The following BCAS3 variants were observed in gnomAD, a reference collection of about 807,000 sequenced individuals.
BCAS3 encodes the protein BCAS3 microtubule associated cell migration factor, also known as BCAS4/BCAS3 fusion.
Under a neutral mutation model 116.1 loss-of-function variants are expected in BCAS3, and 53 were observed. That is an observed-to-expected ratio of 0.46 (90% confidence interval 0.37 to 0.57). The LOEUF (loss-of-function observed/expected upper bound fraction) is 0.57. Among genes scored for constraint, BCAS3 ranks in the 20% least tolerant of loss-of-function variants. The probability of loss-of-function intolerance (pLI) is 0.00; values close to 1 mark genes in which losing one functional copy is unlikely to be tolerated. For synonymous variants in BCAS3, 391 were observed against 408.2 expected (o/e 0.96, Z 0.51); for missense variants, 917 against 1,165.4 (o/e 0.79, Z 3.10).
chr17:60,722,376 C>T (rs774458188), intron 5 of BCAS3, among the ~76,000 whole-genome samples: 41 of 152,160 alleles, frequency 2.7e-4, no homozygotes, highest in Non-Finnish European at 5.4e-4. Flanking sequence ...TTCTGTTTGT[C>T]CTGCATCCTC....
intron 19 of BCAS3, among the ~76,000 whole-genome samples, chr17:61,052,715 C>CTTTTTTTTTTTTTTTTT (rs60772345): frequency 8.0e-5 from 10 of 124,984 alleles, no homozygotes; most frequent in Non-Finnish European, 1.0e-4. Context: ...TTCTTTCTTT[C>CTTTTTTTTTTTTTTTTT]TTTTTTTTTT....
chr17:60,839,625 A>G (rs938975290), intron 7 of BCAS3, among the ~76,000 whole-genome samples: 1 of 152,092 alleles, frequency 6.6e-6, no homozygotes, highest in Non-Finnish European at 1.5e-5. Context: ...CTTTTTAATT[A>G]CTTAATTAAA....
At position 60,960,427 on chromosome 17, in the gene BCAS3, A is replaced by G. The variant is rs1014931314; in HGVS notation, c.1221+13075A>G. On this transcript the variant is annotated intron_variant, in intron 14 of 23. Transcript: ENST00000407086. This position sits in a 1 kb window ranked among gnomAD's most constrained non-coding sequence, Gnocchi z 4.1. ...CCTCCTGCCAAAATACAGTAGTAGG[A>G]TATGCGTAGGATAGACATTTCAAAA... Among the ~76,000 whole-genome samples, 1 of 152,096 alleles carries G rather than the reference A, an allele frequency of 6.6e-6. No individual in the cohort carries two copies. The highest frequency in any genetic ancestry group is 2.1e-4 in the South Asian group (1 of 4,832).
intron 7 of BCAS3, among the ~76,000 whole-genome samples, chr17:60,826,556 A>G (rs1439960438): frequency 1.3e-5 from 2 of 152,188 alleles, no homozygotes; most frequent in Non-Finnish European, 2.9e-5. Flanking sequence ...AGAAGAAAAT[A>G]TTTGTGAAAG....
intron 6 of BCAS3, among the ~76,000 whole-genome samples, chr17:60,785,974 G>T (rs1015051947): frequency 1.3e-5 from 2 of 152,142 alleles, no homozygotes; most frequent in Admixed American, 6.6e-5. Context: ...ACCTAGAGAT[G>T]ATTTAAAGTA....
At chr17:60,797,601 G>C (rs2047329702) in intron 6 of BCAS3, among the ~76,000 whole-genome samples, 1 of 151,884 alleles carries the variant, frequency 6.6e-6, no homozygotes, top group Non-Finnish European at 1.5e-5. Flanking sequence ...TGTTACATAG[G>C]TATACACATG....
chr17:60,795,825 G>A (rs1215465683), intron 6 of BCAS3, among the ~76,000 whole-genome samples: 1 of 152,106 alleles, frequency 6.6e-6, no homozygotes, highest in Non-Finnish European at 1.5e-5. Flanking sequence ...GAGTAGCTGG[G>A]ATTACAGGCA....
chr17:60,949,299 C>T (rs1000228101), intron 14 of BCAS3, among the ~76,000 whole-genome samples: 1 of 152,160 alleles, frequency 6.6e-6, no homozygotes, highest in Non-Finnish European at 1.5e-5. Flanking sequence ...GCTCTGTTGT[C>T]CAGGCTGGAG....
rs1004874006 is a variant in BCAS3, at chr17:60,917,793, A to G, written c.994-6614A>G. Among the ~76,000 whole-genome samples the G allele has an allele frequency of 3.9e-5, 6 of 152,234 alleles. No individual in the cohort carries two copies. In the South Asian group the frequency reaches 8.3e-4, roughly 21 times the overall value. On this transcript the variant is annotated intron_variant, in intron 12 of 23. Transcript: ENST00000407086. ...TTTTTTGTAGAGACAAGGTTTCGCT[A>G]TGTTGGCTAGGCTGGTCTCAAACTC...
chr17:60,727,047 T>G (rs2039953729), intron 5 of BCAS3: 2 of 257,778 alleles, frequency 7.8e-6, no homozygotes, highest in Admixed American at 1.0e-4. Context: ...AAAACAGACT[T>G]TAAAAAAAAA....
chr17:60,935,860 CT>C (rs963046969), intron 13 of BCAS3, among the ~76,000 whole-genome samples: 161 of 144,516 alleles, frequency 1.1e-3, no homozygotes, highest in Middle Eastern at 3.5e-3. Flanking sequence ...ACTCACTGAC[CT>C]TTTTTTTTTT....
At chr17:60,882,818 A>G in intron 9 of BCAS3, among the ~76,000 whole-genome samples, 1 of 145,190 alleles carries the variant, frequency 6.9e-6, no homozygotes, top group Non-Finnish European at 1.5e-5. Context: ...TTTTGGTACC[A>G]GTACCATGCT....
chr17:60,707,173 A>T (rs1205129188), intron 4 of BCAS3, among the ~76,000 whole-genome samples: 1 of 151,826 alleles, frequency 6.6e-6, no homozygotes, highest in African/African-American at 2.4e-5. Flanking sequence ...TTGTATTCTC[A>T]GTAGAGACCG....
chr17:61,363,331 A>G lies in BCAS3; in HGVS notation c.2426-4996A>G, dbSNP rs1166509679. The stretch of plus-strand genomic sequence containing the variant: ...TAGAGTTTGAGCAAGAGTAGTCTTT[A>G]TACCTTCGGTAGTTGAGCAGGTAAG... On this transcript the variant is annotated intron_variant, in intron 22 of 23. Coordinates refer to ENST00000407086, the MANE Select transcript of BCAS3 (RefSeq NM_017679.5). This position sits in a 1 kb window ranked among gnomAD's most constrained non-coding sequence, Gnocchi z 4.9. 6.6e-6 allele frequency among the ~76,000 whole-genome samples: 1 copy of G among 152,224 alleles called. No homozygotes were observed.
At position 61,219,303 on chromosome 17, in the gene BCAS3, A is replaced by G. The variant is rs1002051233; in HGVS notation, c.2425+134739A>G. 1.3e-5 allele frequency among the ~76,000 whole-genome samples: 2 copies of G among 152,178 alleles called. No homozygotes were observed. Among genetic ancestry groups the G allele is most frequent in the African/African-American group, 4.8e-5 (2 of 41,434 alleles). On this transcript the variant is annotated intron_variant, in intron 22 of 23. Transcript: ENST00000407086. The surrounding 1 kb of genome is among the most constrained non-coding windows in gnomAD (Gnocchi z 5.2). ...ACCCAGCGATACCCTGGAGAGGAACATTCCAGTGATTCCTTTCTGGGCATA... is the reference window on the plus strand; with the variant it reads ...ACCCAGCGATACCCTGGAGAGGAACGTTCCAGTGATTCCTTTCTGGGCATA...
At chr17:61,176,310 C>A (rs1351102973) in intron 22 of BCAS3, among the ~76,000 whole-genome samples, 3 of 148,870 alleles carry the variant, frequency 2.0e-5, no homozygotes, top group East Asian at 2.0e-4. Context: ...ATACATTTTT[C>A]TGACTTTATA....
rs2144344927 is a variant in BCAS3, at chr17:61,213,214, G to T, written c.2425+128650G>T. Among the ~76,000 whole-genome samples, 1 of 152,222 alleles carries T rather than the reference G, an allele frequency of 6.6e-6. No individual in the cohort carries two copies. The highest frequency in any genetic ancestry group is 2.1e-4 in the South Asian group (1 of 4,810). On this transcript the variant is annotated intron_variant, in intron 22 of 23. Coordinates refer to ENST00000407086, the MANE Select transcript of BCAS3 (RefSeq NM_017679.5). The surrounding 1 kb of genome is among the most constrained non-coding windows in gnomAD (Gnocchi z 5.4). ...AGATTGAGTCTCACTCTGTCACCCA[G>T]GCTGGAGTGCGGTGGTGCAGTCTTG...
At position 61,156,362 on chromosome 17, in the gene BCAS3, A is replaced by C. The variant is rs577654350; in HGVS notation, c.2425+71798A>C. On this transcript the variant is annotated intron_variant, in intron 22 of 23. Coordinates refer to ENST00000407086, the MANE Select transcript of BCAS3 (RefSeq NM_017679.5). This position sits in a 1 kb window ranked among gnomAD's most constrained non-coding sequence, Gnocchi z 4.7. ...TCTTCATTTTCTGAGTTCGGGAGAA[A>C]GGTGGACTTTTGTTTTATCTTGTTT... Among the ~76,000 whole-genome samples the C allele has an allele frequency of 6.6e-6, 1 of 152,218 alleles. No individual in the cohort carries two copies. The highest frequency in any genetic ancestry group is 2.4e-5 in the African/African-American group (1 of 41,538).
At chr17:60,701,919 A>C (rs2036465848) in intron 4 of BCAS3, among the ~76,000 whole-genome samples, 1 of 152,104 alleles carries the variant, frequency 6.6e-6, no homozygotes, top group African/African-American at 2.4e-5. Context: ...GGTTGCAGTG[A>C]GCCAAGATTG....
Sources: gnomAD v4.1 joint callset for allele counts (sites outside exome capture counted in the v4.1 genomes callset) on GRCh38, gnomAD v4.1.1 for gene constraint, Gnocchi (gnomAD v3.1) non-coding constraint, MANE v1.5 for transcripts, NCBI Gene and HGNC (gene_info 2026-07-23, HGNC 2026-07-21) for gene names.